Variants in USP12 observed in about 807,000 individuals in gnomAD.
USP12 encodes ubiquitin specific peptidase 12.
Under a neutral mutation model 45.5 loss-of-function variants are expected in USP12, and 19 were observed. The observed-to-expected ratio is 0.42, with a 90% CI of 0.29 to 0.61. USP12 has a LOEUF of 0.61. Among genes scored for constraint, USP12 ranks in the 20% least tolerant of loss-of-function variants. The pLI is 0.22. For missense variants in USP12, 242 were observed against 447.7 expected (o/e 0.54, Z 4.15); for synonymous variants, 149 against 148.8 (o/e 1.00, Z -0.01).
Position 27,116,552 on chromosome 13 carries a change from C to T in USP12, c.93G>A (p.Gln31=), listed in dbSNP as rs922477771. The T allele has an allele frequency of 8.1e-6, 13 of 1,613,034 alleles. No homozygotes were observed. The highest frequency in any genetic ancestry group is 3.3e-5 in the Admixed American group (2 of 59,978). ...SALEKEIGPE[Q]FPVNEHYFGL... ...CAAAATAGTGCTCATTGACCGGAAACTGTTCTGGACCAATCTCTTTCTCTA... is the reference window on the plus strand; with the variant it reads ...CAAAATAGTGCTCATTGACCGGAAATTGTTCTGGACCAATCTCTTTCTCTA... Residue 31 remains glutamine, a synonymous_variant, in exon 2 of 9, where the codon CAG becomes CAA. Transcript: ENST00000282344.
At chr13:27,136,801 A>C (rs1231308937) in intron 1 of USP12, among the ~76,000 whole-genome samples, 2 of 152,220 alleles carry the variant, frequency 1.3e-5, no homozygotes, top group Non-Finnish European at 2.9e-5. Context: ...CATATTAAAA[A>C]GGTAAAAATA....
At chr13:27,139,501 G>A (rs536734851) in intron 1 of USP12, among the ~76,000 whole-genome samples, 162 of 152,166 alleles carry the variant, frequency 1.1e-3, no homozygotes, top group African/African-American at 3.4e-3. Flanking sequence ...CTGTGGTCCC[G>A]GCTACTCAGG....
chr13:27,171,148 C>G (rs1021573604), intron 1 of USP12, among the ~76,000 whole-genome samples: 2 of 151,352 alleles, frequency 1.3e-5, no homozygotes, highest in African/African-American at 4.8e-5. Context: ...ATGGAGCCCG[C>G]GCGGCTCCGC....
At chr13:27,155,229 G>C (rs754761802) in intron 1 of USP12, among the ~76,000 whole-genome samples, 46 of 151,574 alleles carry the variant, frequency 3.0e-4, no homozygotes, top group East Asian at 1.2e-3. Context: ...CTACAGGCGC[G>C]TGCCACCATG....
At chr13:27,089,645 TATG>T (rs1368911688) in intron 6 of USP12, 9 of 443,126 alleles carry the variant, frequency 2.0e-5, no homozygotes, top group Non-Finnish European at 3.3e-5. Flanking sequence ...TGTACTGGTT[TATG>T]ATGATTAAAT....
intron 3 of USP12, among the ~76,000 whole-genome samples, chr13:27,100,563 G>C (rs1874817911): frequency 6.6e-6 from 1 of 152,062 alleles, no homozygotes; most frequent in Non-Finnish European, 1.5e-5. Flanking sequence ...TTTGCCTCCT[G>C]CACCAACCTT....
chr13:27,109,200 C>T (rs560641759), intron 2 of USP12, among the ~76,000 whole-genome samples: 1 of 152,226 alleles, frequency 6.6e-6, no homozygotes, highest in African/African-American at 2.4e-5. Context: ...CAATAATTAT[C>T]AATGGATGCT....
chr13:27,075,448 T>C, intron 6 of USP12, 60 bp from the exon 7 acceptor site: 3 of 1,442,214 alleles, frequency 2.1e-6, no homozygotes, highest in Non-Finnish European at 1.9e-6. Context: ...GTCCTTGAAT[T>C]ATCAAACTTT....
In USP12 at chr13:27,116,311, C is replaced by CA. The variant is rs10549775; in HGVS notation, c.129+204dup. Among the ~76,000 whole-genome samples the CA allele has an allele frequency of 8.4e-3, 762 of 90,674 alleles. 6 individuals are homozygous for CA. The highest frequency in any genetic ancestry group is 0.022 in the Middle Eastern group (4 of 178). The allele number at this position is 90,674 out of a possible 152,430, so 59.5% of individuals were successfully genotyped here. On this transcript the variant is annotated intron_variant, in intron 2 of 8. Transcript: ENST00000282344. ...TGGGCGACAGAGCAAGACGCTGTCT[C>CA]AAAAAAAAAAAAAAAAAAAAAAGAT...
chr13:27,135,825 G>C (rs746968776), intron 1 of USP12, among the ~76,000 whole-genome samples: 3 of 152,136 alleles, frequency 2.0e-5, no homozygotes, highest in Admixed American at 6.5e-5. Flanking sequence ...CCAGAAGCTA[G>C]CTAGGGAGGG....
rs1025509835 is a variant in USP12 at position 27,143,811 on chromosome 13, A to C, written c.49-27215T>G. Among the ~76,000 whole-genome samples, 5 of 152,258 alleles carry C rather than the reference A, an allele frequency of 3.3e-5. No homozygotes were observed. The South Asian group carries it at 1.0e-3, about 31-fold the overall frequency. On this transcript the variant is annotated intron_variant, in intron 1 of 8. Coordinates refer to ENST00000282344, the MANE Select transcript of USP12 (RefSeq NM_182488.4). ...ACCTAATTCCCACTTTATAGAAAATATAACGGATAGAAGAGCAAATTAAAA... is the reference window on the plus strand; with the variant it reads ...ACCTAATTCCCACTTTATAGAAAATCTAACGGATAGAAGAGCAAATTAAAA...
chr13:27,164,214 C>T (rs972493627), intron 1 of USP12, among the ~76,000 whole-genome samples: 2 of 152,138 alleles, frequency 1.3e-5, no homozygotes, highest in African/African-American at 2.4e-5. Flanking sequence ...TTAAACCACC[C>T]TTTACAAGTA....
At chr13:27,130,561 C>CAAAAAAAAAAA (rs5802413) in intron 1 of USP12, among the ~76,000 whole-genome samples, 1 of 124,792 alleles carries the variant, frequency 8.0e-6, no homozygotes. Flanking sequence ...CAAAACATGC[C>CAAAAAAAAAAA]AAAAAAAAAA....
intron 1 of USP12, among the ~76,000 whole-genome samples, chr13:27,140,622 A>G (rs1395341144): frequency 6.6e-6 from 1 of 152,222 alleles, no homozygotes; most frequent in Non-Finnish European, 1.5e-5. Context: ...TCCTAATTTT[A>G]TAAGTAACAA....
At chr13:27,119,645 G>A (rs570743409) in intron 1 of USP12, among the ~76,000 whole-genome samples, 90 of 152,286 alleles carry the variant, frequency 5.9e-4, no homozygotes, top group African/African-American at 2.1e-3. Flanking sequence ...TATCGTTTCC[G>A]ATCACTTTCA....
At chr13:27,142,109 G>A (rs996046321) in intron 1 of USP12, among the ~76,000 whole-genome samples, 2 of 152,122 alleles carry the variant, frequency 1.3e-5, no homozygotes, top group Admixed American at 6.5e-5. Flanking sequence ...GTGACAGAGC[G>A]AGACTCTGTC....
chr13:27,135,483 C>A (rs1204195692), intron 1 of USP12, among the ~76,000 whole-genome samples: 1 of 152,088 alleles, frequency 6.6e-6, no homozygotes, highest in African/African-American at 2.4e-5. Context: ...GAGGCCGAGG[C>A]AGATGGATTA....
chr13:27,157,770 TC>T (rs1277424265), intron 1 of USP12, among the ~76,000 whole-genome samples: 4 of 152,080 alleles, frequency 2.6e-5, no homozygotes, highest in African/African-American at 9.7e-5. Flanking sequence ...TCCCCACCAC[TC>T]CCAAAAGCCT....
chr13:27,151,051 A>G (rs1283993309), intron 1 of USP12, among the ~76,000 whole-genome samples: 1 of 152,160 alleles, frequency 6.6e-6, no homozygotes, highest in Non-Finnish European at 1.5e-5. Flanking sequence ...AAATCAGGCC[A>G]GACGCTGTGG....
Sources: allele counts gnomAD v4.1 joint callset (sites outside exome capture counted in the v4.1 genomes callset), GRCh38; gene constraint gnomAD v4.1.1; transcripts MANE v1.5; gene names NCBI Gene and HGNC (gene_info 2026-07-23, HGNC 2026-07-21).